CNTNAP5: variants seen among roughly 807,000 people sequenced by gnomAD.
CNTNAP5 encodes the protein contactin-associated protein-like 5.
CNTNAP5 carries 72 observed loss-of-function variants against 150.2 expected under a neutral mutation model. The ratio of observed to expected loss-of-function variants is 0.48; its 90% confidence interval spans 0.40 to 0.58. The LOEUF is 0.58. Ranked by LOEUF, CNTNAP5 falls within the 20% of genes least tolerant of loss-of-function variation. The pLI is 0.00. For synonymous variants in CNTNAP5, 672 were observed against 619.8 expected, an observed-to-expected ratio of 1.08 and a Z score of -1.25; for missense variants, 1,636 against 1,626.2, an observed-to-expected ratio of 1.01 and a Z score of -0.10.
intron 1 of CNTNAP5, among the ~76,000 whole-genome samples, chr2:124,081,289 A>C (rs1383708513): frequency 6.6e-6 from 1 of 152,186 alleles, no homozygotes; most frequent in East Asian, 1.9e-4. Context: ...TTTATGACTA[A>C]GAGGAAATAA....
At position 124,161,583 on chromosome 2, in the gene CNTNAP5, A is replaced by G. The variant is rs141532803; in HGVS notation, c.83-60122A>G. Among the ~76,000 whole-genome samples the G allele has an allele frequency of 1.8e-4, 28 of 152,296 alleles. No homozygotes were observed. The East Asian group carries it at 4.6e-3, about 25-fold the overall frequency. On this transcript the variant is annotated intron_variant, in intron 1 of 23. Coordinates refer to ENST00000682447, the MANE Select transcript of CNTNAP5 (RefSeq NM_001367498.1). ...AAAATGTATTAAGTATGTGTTTGTC[A>G]ATACACTGATATATTACTTACTCAT...
intron 19 of CNTNAP5, among the ~76,000 whole-genome samples, chr2:124,808,611 A>G (rs974537581): frequency 5.3e-5 from 8 of 152,074 alleles, no homozygotes; most frequent in Non-Finnish European, 1.0e-4. Context: ...AGACAAAGCA[A>G]TCAAATAACT....
At position 124,663,286 on chromosome 2, in the gene CNTNAP5, G is replaced by A. The variant is rs1678630866; in HGVS notation, c.2077+15328G>A. 2.0e-5 allele frequency among the ~76,000 whole-genome samples: 3 copies of A among 152,174 alleles called. No individual in the cohort carries two copies. In the South Asian group the frequency reaches 6.2e-4, roughly 31 times the overall value. On this transcript the variant is annotated intron_variant, in intron 13 of 23. Coordinates refer to ENST00000682447, the MANE Select transcript of CNTNAP5 (RefSeq NM_001367498.1). ...CGCCAGTTAGACATTCGCTTGAACT[G>A]TGCCAAACCTAGACTGGATTTTAGC...
At chr2:124,512,976 A>G (rs969336328) in intron 8 of CNTNAP5, among the ~76,000 whole-genome samples, 2 of 152,150 alleles carry the variant, frequency 1.3e-5, no homozygotes, top group African/African-American at 4.8e-5. Context: ...ATCTCAATTG[A>G]TATTTTCTCA....
At chr2:124,120,654 A>G (rs1683539069) in intron 1 of CNTNAP5, among the ~76,000 whole-genome samples, 3 of 152,210 alleles carry the variant, frequency 2.0e-5, no homozygotes, top group South Asian at 4.1e-4. Context: ...CTCGACTGCA[A>G]TGTAGGCTTG....
chr2:124,814,313 G>A (rs1682303379), intron 19 of CNTNAP5, among the ~76,000 whole-genome samples: 1 of 148,816 alleles, frequency 6.7e-6, no homozygotes, highest in Non-Finnish European at 1.5e-5. Context: ...TTGGTTCCAT[G>A]TCACTTTCTC....
chr2:124,212,860 A>G (rs1345024722), intron 1 of CNTNAP5, among the ~76,000 whole-genome samples: 2 of 83,694 alleles, frequency 2.4e-5, no homozygotes, highest in Admixed American at 3.8e-4. Flanking sequence ...TTTTTTTGAG[A>G]TGGAGTCTTG....
chr2:124,361,837 C>A (rs1458690004), intron 3 of CNTNAP5, among the ~76,000 whole-genome samples: 1 of 152,118 alleles, frequency 6.6e-6, no homozygotes, highest in Non-Finnish European at 1.5e-5. Context: ...TGAGCTCCAC[C>A]CAGTTCGAGC....
intron 17 of CNTNAP5, 148 bp from the exon 18 acceptor site, chr2:124,789,754 C>T: frequency 1.4e-6 from 1 of 691,668 alleles, no homozygotes; most frequent in South Asian, 2.2e-5. Flanking sequence ...TTTGGAATTC[C>T]AACTCTCACT....
chr2:124,386,255 TAA>T (rs1241105934), intron 3 of CNTNAP5, among the ~76,000 whole-genome samples: 1 of 152,236 alleles, frequency 6.6e-6, no homozygotes, highest in East Asian at 1.9e-4. Flanking sequence ...CATTGGCCAG[TAA>T]AGAGATACTA....
At chr2:124,328,621 T>G (rs1471116305) in intron 3 of CNTNAP5, among the ~76,000 whole-genome samples, 2 of 152,192 alleles carry the variant, frequency 1.3e-5, no homozygotes, top group African/African-American at 4.8e-5. Flanking sequence ...CGCCTGTTTG[T>G]TCCTGCAGAG....
intron 10 of CNTNAP5, among the ~76,000 whole-genome samples, chr2:124,529,234 C>T (rs1310811356): frequency 6.6e-6 from 1 of 152,092 alleles, no homozygotes; most frequent in Non-Finnish European, 1.5e-5. Flanking sequence ...ACTTCATCAG[C>T]CAGTGCAGCC....
At chr2:124,675,995 G>T (rs1056842564) in intron 13 of CNTNAP5, among the ~76,000 whole-genome samples, 1 of 151,996 alleles carries the variant, frequency 6.6e-6, no homozygotes, top group Non-Finnish European at 1.5e-5. Flanking sequence ...TACAGATACA[G>T]GTTTGTTTTC....
In CNTNAP5 at chr2:124,692,866, G is replaced by A. The variant is rs964323485; in HGVS notation, c.2077+44908G>A. On this transcript the variant is annotated intron_variant, in intron 13 of 23. Coordinates refer to ENST00000682447, the MANE Select transcript of CNTNAP5 (RefSeq NM_001367498.1). The stretch of plus-strand genomic sequence containing the variant: ...GGAGAATGAGCGCCAATGGTCTCTG[G>A]GGGAAGGTCCTGGCTGATGAGTTGG... 2.6e-5 allele frequency among the ~76,000 whole-genome samples: 4 copies of A among 152,050 alleles called. No homozygotes were observed. In the East Asian group the frequency reaches 7.7e-4, roughly 29 times the overall value.
intron 8 of CNTNAP5, among the ~76,000 whole-genome samples, chr2:124,509,558 T>C (rs1694507270): frequency 6.6e-6 from 1 of 152,190 alleles, no homozygotes; most frequent in Non-Finnish European, 1.5e-5. Context: ...GCGGTTAGTA[T>C]ACCAACATAC....
chr2:124,357,593 G>A (rs1007546044), intron 3 of CNTNAP5, among the ~76,000 whole-genome samples: 1 of 149,040 alleles, frequency 6.7e-6, no homozygotes. Flanking sequence ...TTTTTCTCAG[G>A]TTTGTCAAAG....
At chr2:124,262,070 T>C (rs1276289967) in intron 3 of CNTNAP5, among the ~76,000 whole-genome samples, 1 of 151,960 alleles carries the variant, frequency 6.6e-6, no homozygotes, top group Non-Finnish European at 1.5e-5. Flanking sequence ...AGTGAGATCT[T>C]GTCTCTACGT....
chr2:124,493,281 T>G (rs1038855193), intron 7 of CNTNAP5, among the ~76,000 whole-genome samples: 2 of 151,828 alleles, frequency 1.3e-5, no homozygotes, highest in African/African-American at 4.8e-5. Context: ...TGTTGAGCTA[T>G]GCTTGCATTG....
intron 1 of CNTNAP5, among the ~76,000 whole-genome samples, chr2:124,068,432 C>T (rs1176151716): frequency 6.6e-6 from 1 of 152,168 alleles, no homozygotes; most frequent in Non-Finnish European, 1.5e-5. Flanking sequence ...AGGAGAATTA[C>T]TCAGCCCTGA....
Sources: gnomAD v4.1 joint callset for allele counts (sites outside exome capture counted in the v4.1 genomes callset) on GRCh38, gnomAD v4.1.1 for gene constraint, MANE v1.5 for transcripts, NCBI Gene and HGNC (gene_info 2026-07-23, HGNC 2026-07-21) for gene names.